Variants in RSRC1 observed in about 807,000 individuals in gnomAD.
RSRC1 encodes the protein serine/Arginine-related protein 53.
Under a neutral mutation model 49.1 loss-of-function variants are expected in RSRC1, and 39 were observed. The ratio of observed to expected loss-of-function variants is 0.79; its 90% CI spans 0.61 to 1.04. The LOEUF is 1.04. Among genes scored for constraint, RSRC1 ranks in the 50% least tolerant of loss-of-function variants. The pLI is 0.00. For missense variants in RSRC1, 388 were observed against 402.4 expected (o/e 0.96, Z 0.31); for synonymous variants, 143 against 130.8 (o/e 1.09, Z -0.63).
Position 158,122,138 on chromosome 3 carries a change from A to C in RSRC1, c.34A>C (p.Ser12Arg). The C allele has an allele frequency of 6.4e-7, 1 of 1,560,476 alleles. No individual in the cohort carries two copies. The highest frequency in any genetic ancestry group is 8.7e-7 in the Non-Finnish European group (1 of 1,155,044). Reference sequence around the variant, plus strand: ...TCGGTCATCAGATACTGAAGAAGAAAGCAGAAGCAAGAGAAAAAAGAAACA... The same window carrying C: ...TCGGTCATCAGATACTGAAGAAGAACGCAGAAGCAAGAGAAAAAAGAAACA... ...GRRSSDTEEE[S>R]RSKRKKKHRR... The change falls in exon 2 of 10, where the codon AGC becomes CGC. Residue 12 changes from serine (S) to arginine (R), a missense_variant. By Grantham distance (110) the Ser-to-Arg change is moderately radical (BLOSUM62 -1). Transcript: ENST00000611884.
chr3:158,157,801 G>C (rs1010441690), intron 3 of RSRC1, among the ~76,000 whole-genome samples: 1 of 152,036 alleles, frequency 6.6e-6, no homozygotes, highest in Non-Finnish European at 1.5e-5. Context: ...TGTAATCCCA[G>C]CTACTCGGGA....
chr3:158,505,294 G>A (rs1739801345), intron 7 of RSRC1, among the ~76,000 whole-genome samples: 1 of 152,138 alleles, frequency 6.6e-6, no homozygotes, highest in African/African-American at 2.4e-5. Flanking sequence ...CTAGTTGGAA[G>A]CACCTGTCAC....
At position 158,511,537 on chromosome 3, in the gene RSRC1, G is replaced by A. The variant is rs1485110511; in HGVS notation, c.653-25555G>A. On this transcript the variant is annotated intron_variant, in intron 7 of 9. Coordinates refer to ENST00000611884, the MANE Select transcript of RSRC1 (RefSeq NM_001271838.2). ...CAGTCTATCATTGTTGGACATTTGG[G>A]TTGGTTCCAAGTCTTTGCTATTGTG... Among the ~76,000 whole-genome samples, 4 of 152,226 alleles carry A rather than the reference G, an allele frequency of 2.6e-5. No homozygotes were observed. In the East Asian group the frequency reaches 7.7e-4, roughly 29 times the overall value.
At chr3:158,354,931 T>A in intron 6 of RSRC1, 23 bp downstream of exon 6, 1 of 1,510,528 alleles carries the variant, frequency 6.6e-7, no homozygotes, top group Non-Finnish European at 8.9e-7. Flanking sequence ...AATTAACTTT[T>A]ATTAAATGAA....
chr3:158,338,672 T>C (rs1389563592), intron 5 of RSRC1, among the ~76,000 whole-genome samples: 1 of 152,252 alleles, frequency 6.6e-6, no homozygotes, highest in Non-Finnish European at 1.5e-5. Flanking sequence ...AATTTAGTTT[T>C]AACTCTGCAT....
chr3:158,157,219 G>T (rs934551671), intron 3 of RSRC1, among the ~76,000 whole-genome samples: 1 of 152,118 alleles, frequency 6.6e-6, no homozygotes, highest in Non-Finnish European at 1.5e-5. Flanking sequence ...AACAATACAT[G>T]CCAATGATTA....
chr3:158,383,418 G>A (rs1416920054), intron 6 of RSRC1, among the ~76,000 whole-genome samples: 1 of 152,120 alleles, frequency 6.6e-6, no homozygotes, highest in African/African-American at 2.4e-5. Flanking sequence ...TCAATCCTCT[G>A]TGGATGTGGG....
intron 7 of RSRC1, among the ~76,000 whole-genome samples, chr3:158,488,517 T>G (rs1419454084): frequency 1.3e-5 from 2 of 152,200 alleles, no homozygotes; most frequent in African/African-American, 4.8e-5. Flanking sequence ...ATGTTTTTTC[T>G]CAACCATTGC....
intron 3 of RSRC1, among the ~76,000 whole-genome samples, chr3:158,145,440 G>A (rs1016821167): frequency 3.3e-5 from 5 of 152,140 alleles, no homozygotes; most frequent in African/African-American, 9.7e-5. Context: ...TCAGATAGTT[G>A]TAGATATGTG....
intron 7 of RSRC1, among the ~76,000 whole-genome samples, chr3:158,521,968 T>C (rs796262795): frequency 6.6e-6 from 1 of 152,124 alleles, no homozygotes; most frequent in South Asian, 2.1e-4. Flanking sequence ...GATATGATAA[T>C]GTATTAGAAT....
At chr3:158,342,222 C>T (rs567613876) in intron 5 of RSRC1, among the ~76,000 whole-genome samples, 1 of 152,248 alleles carries the variant, frequency 6.6e-6, no homozygotes, top group East Asian at 1.9e-4. Context: ...AATGTGAGGA[C>T]ATGACATTTG....
intron 7 of RSRC1, among the ~76,000 whole-genome samples, chr3:158,510,227 A>G (rs1400170627): frequency 2.0e-5 from 3 of 152,082 alleles, no homozygotes; most frequent in Non-Finnish European, 4.4e-5. Flanking sequence ...CTTCTCATGT[A>G]TGTATTGGTC....
Position 158,250,522 on chromosome 3 carries a change from A to T in RSRC1, c.494+47277A>T, listed in dbSNP as rs562136654. On this transcript the variant is annotated intron_variant, in intron 4 of 9. Transcript: ENST00000611884. Reference sequence around the variant, plus strand: ...TAAAAGCCATTTTAACTGGGGTGAGATAATGTTTTGTTGTAGTTTGGATTT... The same window carrying T: ...TAAAAGCCATTTTAACTGGGGTGAGTTAATGTTTTGTTGTAGTTTGGATTT... Among the ~76,000 whole-genome samples, 7 of 152,246 alleles carry T rather than the reference A, an allele frequency of 4.6e-5. No homozygotes were observed. The East Asian group carries it at 7.7e-4, about 17-fold the overall frequency.
At chr3:158,170,608 T>A (rs1000239924) in intron 3 of RSRC1, among the ~76,000 whole-genome samples, 18 of 152,132 alleles carry the variant, frequency 1.2e-4, no homozygotes, top group African/African-American at 4.3e-4. Context: ...TGCACTGAGT[T>A]GCTCATTTTT....
chr3:158,374,715 G>A (rs1318013402), intron 6 of RSRC1, among the ~76,000 whole-genome samples: 1 of 151,992 alleles, frequency 6.6e-6, no homozygotes, highest in Admixed American at 6.6e-5. Flanking sequence ...TTTAAAATAA[G>A]TATGCCAATG....
chr3:158,128,770 TAC>T (rs1351905333), intron 3 of RSRC1, among the ~76,000 whole-genome samples: 1 of 152,232 alleles, frequency 6.6e-6, no homozygotes, highest in African/African-American at 2.4e-5. Context: ...TCCTCCAGTC[TAC>T]GAGAGTTCCT....
At chr3:158,208,332 C>T (rs1177076054) in intron 4 of RSRC1, among the ~76,000 whole-genome samples, 1 of 151,998 alleles carries the variant, frequency 6.6e-6, no homozygotes, top group Non-Finnish European at 1.5e-5. Context: ...AGAATGGCTA[C>T]TCCGTAGTCA....
At chr3:158,527,077 CTT>C (rs543523088) in intron 7 of RSRC1, among the ~76,000 whole-genome samples, 29,478 of 109,908 alleles carry the variant, frequency 0.27, 3,635 homozygotes, top group African/African-American at 0.39. Flanking sequence ...AGTTCAAAAT[CTT>C]TTTTTTTTTT....
At chr3:158,348,593 T>A (rs59478536) in intron 5 of RSRC1, among the ~76,000 whole-genome samples, 33,354 of 151,876 alleles carry the variant, frequency 0.22, 4,264 homozygotes, top group Non-Finnish European at 0.29. Flanking sequence ...TATTTTTTTT[T>A]ATTTTAGAGT....
Sources: gnomAD v4.1 joint callset for allele counts (sites outside exome capture counted in the v4.1 genomes callset) on GRCh38, gnomAD v4.1.1 for gene constraint, MANE v1.5 for transcripts, NCBI Gene and HGNC (gene_info 2026-07-23, HGNC 2026-07-21) for gene names.